The following LRIG2 variants were observed in gnomAD, a reference collection of about 807,000 sequenced individuals.
LRIG2 encodes leucine-rich repeats and immunoglobulin-like domains protein 2.
A neutral mutation model predicts 107.8 loss-of-function variants in LRIG2; 93 were observed. That is an observed-to-expected ratio of 0.86 (90% CI 0.73 to 1.03). The LOEUF is 1.03. Ranked by LOEUF, LRIG2 falls within the 50% of genes least tolerant of loss-of-function variation. The probability of loss-of-function intolerance (pLI) is 0.00; values close to 1 mark genes in which losing one functional copy is unlikely to be tolerated. For missense variants in LRIG2, 1,226 were observed against 1,296.0 expected (o/e 0.95, Z 0.83); for synonymous variants, 471 against 470.6 (o/e 1.00, Z -0.01).
chr1:113,114,396 A>ATT (rs200615395), intron 14 of LRIG2, 31 bp from the exon 15 acceptor site: 851 of 1,167,310 alleles, frequency 7.3e-4, no homozygotes, highest in Non-Finnish European at 8.6e-4. Context: ...CTAACTTTTC[A>ATT]TTTTTTTTTT....
At chr1:113,100,597 G>A (rs1481021303) in intron 11 of LRIG2, 109 bp downstream of exon 11, 2 of 632,520 alleles carry the variant, frequency 3.2e-6, no homozygotes, top group Admixed American at 5.8e-5. Flanking sequence ...CACAGTTCAG[G>A]CAGGAAAAAA....
rs745674497 is a variant in LRIG2, at chr1:113,114,868, C to A, written c.2522C>A (p.Thr841Lys). The A allele has an allele frequency of 6.2e-7, 1 of 1,605,924 alleles. No individual in the cohort carries two copies. Among genetic ancestry groups the A allele is most frequent in the Admixed American group, 1.7e-5 (1 of 59,884 alleles). ...MRRKNEDYSI[T>K]NTEELNLPAD... ...AGGAAAAATGAAGACTATAGTATCA[C>A]AAACACAGGTAAGTAGTACCCACAT... The change falls in exon 15 of 18, where the codon ACA (threonine) becomes AAA (lysine). Residue 841 changes from threonine (T) to lysine (K), a missense_variant. Physicochemically the swap from Thr to Lys is moderately conservative, Grantham distance 78. This residue lies in a region of LRIG2 where 642 missense variants were observed against 712.2 expected (regional missense o/e 0.90). Transcript: ENST00000361127.
At chr1:113,123,450 T>TGTA (rs1655346062) in intron 17 of LRIG2, among the ~76,000 whole-genome samples, 1 of 150,568 alleles carries the variant, frequency 6.6e-6, no homozygotes, top group Admixed American at 6.6e-5. Flanking sequence ...GGCACATGCC[T>TGTA]GTAATCCCAG....
chr1:113,098,690 C>G lies in LRIG2; in HGVS notation c.1092-15C>G. 6.4e-7 allele frequency: 1 copy of G among 1,568,976 alleles called. No individual in the cohort carries two copies. Among genetic ancestry groups the G allele is most frequent in the Non-Finnish European group, 8.8e-7 (1 of 1,139,164 alleles). ...ATTGACTAATAGCACCTGTCTTTCTCTGACATTTTTGTAGAGACTTAAGAA... is the reference window on the plus strand; with the variant it reads ...ATTGACTAATAGCACCTGTCTTTCTGTGACATTTTTGTAGAGACTTAAGAA... On this transcript the variant is annotated splice_polypyrimidine_tract_variant and intron_variant, in intron 8 of 17. Coordinates refer to ENST00000361127, the MANE Select transcript of LRIG2 (RefSeq NM_014813.3).
intron 11 of LRIG2, among the ~76,000 whole-genome samples, chr1:113,106,178 AGATT>A (rs1332936174): frequency 6.6e-6 from 1 of 151,828 alleles, no homozygotes; most frequent in Admixed American, 6.6e-5. Flanking sequence ...CAGTGGGCCG[AGATT>A]GCGCCACTGC....
At chr1:113,088,293 A>G (rs920158435) in intron 1 of LRIG2, among the ~76,000 whole-genome samples, 1 of 152,198 alleles carries the variant, frequency 6.6e-6, no homozygotes, top group Non-Finnish European at 1.5e-5. Context: ...TTTGGGTTGC[A>G]TTGAAAAGCC....
chr1:113,094,573 C>G (rs1431002635), intron 5 of LRIG2, 39 bp from the exon 6 acceptor site: 1 of 1,593,038 alleles, frequency 6.3e-7, no homozygotes. Context: ...AACATTTTAG[C>G]AAACCAATTT....
intron 1 of LRIG2, among the ~76,000 whole-genome samples, chr1:113,087,948 C>G (rs1020826832): frequency 6.6e-6 from 1 of 152,176 alleles, no homozygotes. Context: ...GCTTACAACC[C>G]TAGCGCTTAG....
At chr1:113,108,594 A>G (rs1654637655) in intron 12 of LRIG2, among the ~76,000 whole-genome samples, 1 of 150,320 alleles carries the variant, frequency 6.7e-6, no homozygotes, top group African/African-American at 2.4e-5. Flanking sequence ...AATGTCCTTT[A>G]GGCCGGGCAC....
At chr1:113,106,483 T>G (rs1654544574) in intron 11 of LRIG2, among the ~76,000 whole-genome samples, 1 of 152,110 alleles carries the variant, frequency 6.6e-6, no homozygotes, top group South Asian at 2.1e-4. Flanking sequence ...CATTACACAT[T>G]GCACGGTGTT....
rs1655682851 is a variant in LRIG2 at position 113,130,885 on chromosome 1, A to G, written c.*6784A>G. 1 of 152,216 alleles carries G rather than the reference A, an allele frequency of 6.6e-6. No individual in the cohort carries two copies. Among genetic ancestry groups the G allele is most frequent in the Non-Finnish European group, 1.5e-5 (1 of 68,038 alleles). The allele number at this position is 152,216 out of a possible 1,614,324, so 9.4% of individuals were successfully genotyped here. On this transcript the variant is annotated 3_prime_UTR_variant, in exon 18 of 18. Transcript: ENST00000361127. ...TTACTGGCATAAATGGTATTACTATACTAACAAATTTAAAAGCCTATAATG... is the reference window on the plus strand; with the variant it reads ...TTACTGGCATAAATGGTATTACTATGCTAACAAATTTAAAAGCCTATAATG...
rs1280764199 is a variant in LRIG2 at position 113,119,458 on chromosome 1, C to T, written c.2906C>T (p.Ser969Phe). ...ATACCGTCAGCCAACAGAGAGCCAT[C>T]TGCCTTTCCCACCAACCATGAGAGG... is the stretch of plus-strand genomic sequence containing the variant. Reference protein sequence around the residue: ...SLIPSANREPSAFPTNHERIS... With the variant: ...SLIPSANREPFAFPTNHERIS... The change falls in exon 17 of 18, where the codon TCT (serine) becomes TTT (phenylalanine). Residue 969 changes from serine (S) to phenylalanine (F), a missense_variant. By Grantham distance (155) the Ser-to-Phe change is radical (BLOSUM62 -2). Coordinates refer to ENST00000361127, the MANE Select transcript of LRIG2 (RefSeq NM_014813.3). 2 of 1,614,182 alleles carry T rather than the reference C, an allele frequency of 1.2e-6. No individual in the cohort carries two copies. The highest frequency in any genetic ancestry group is 1.7e-6 in the Non-Finnish European group (2 of 1,180,016).
chr1:113,100,662 A>G, intron 11 of LRIG2, 174 bp downstream of exon 11: 4 of 484,266 alleles, frequency 8.3e-6, no homozygotes, highest in Non-Finnish European at 1.2e-5. Context: ...AAAATAGCCA[A>G]CATTGAAAAG....
chr1:113,079,528 C>G (rs1445746702), intron 1 of LRIG2, among the ~76,000 whole-genome samples: 2 of 149,852 alleles, frequency 1.3e-5, no homozygotes, highest in African/African-American at 4.9e-5. Context: ...ACTAAAAATA[C>G]AAAAATTAGC....
intron 1 of LRIG2, among the ~76,000 whole-genome samples, chr1:113,076,529 G>C (rs900693344): frequency 6.6e-6 from 1 of 152,162 alleles, no homozygotes; most frequent in African/African-American, 2.4e-5. Context: ...TAATTGGATG[G>C]AAGTCTTACA....
chr1:113,114,701 A>G lies in LRIG2; in HGVS notation c.2355A>G (p.Ser785=). The change falls in exon 15 of 18, where the codon TCA becomes TCG. Residue 785 remains serine, a synonymous_variant. Coordinates refer to ENST00000361127, the MANE Select transcript of LRIG2 (RefSeq NM_014813.3). ...GCCACATTTACCTAAATGTCATTTC[A>G]TCCCCCAATTGTGACTCTTCCCAGA... ...ERGHIYLNVI[S]SPNCDSSQSS... is the part of the protein sequence containing the mutation. 1.9e-6 allele frequency: 3 copies of G among 1,614,168 alleles called. No individual in the cohort carries two copies. The highest frequency in any genetic ancestry group is 2.5e-6 in the Non-Finnish European group (3 of 1,180,034).
At chr1:113,086,802 A>T (rs11102582) in intron 1 of LRIG2, among the ~76,000 whole-genome samples, 1 of 152,018 alleles carries the variant, frequency 6.6e-6, no homozygotes, top group Non-Finnish European at 1.5e-5. Flanking sequence ...AACTGAGTTT[A>T]CAACATTGAG....
Position 113,084,040 on chromosome 1 carries a change from A to AT in LRIG2, c.240-7277dup, listed in dbSNP as rs1557898284. Among the ~76,000 whole-genome samples, 415 of 129,316 alleles carry AT rather than the reference A, an allele frequency of 3.2e-3. 2 individuals are homozygous for AT. The highest frequency in any genetic ancestry group is 4.9e-3 in the Admixed American group (61 of 12,550). The allele number at this position is 129,316 out of a possible 152,430, so 84.8% of individuals were successfully genotyped here. ...AATAATAATAATAATAATAATAATA[A>AT]TATTGGCCTTATCCCAGTGATTCTC... On this transcript the variant is annotated intron_variant, in intron 1 of 17. Coordinates refer to ENST00000361127, the MANE Select transcript of LRIG2 (RefSeq NM_014813.3).
Position 113,114,492 on chromosome 1 carries a change from C to T in LRIG2, c.2146C>T (p.Gln716Ter). ...TVTRGETAVL[Q>*]CIAGGSPAPR... ...AACACGAGGTGAAACTGCGGTGTTA[C>T]AGTGCATAGCTGGAGGGAGTCCTGC... is the stretch of plus-strand genomic sequence containing the variant. Residue 716 changes from glutamine to a stop codon, truncating the protein, a stop_gained, in exon 15 of 18, where the codon CAG (glutamine) becomes TAG (stop). Coordinates refer to ENST00000361127, the MANE Select transcript of LRIG2 (RefSeq NM_014813.3). LOFTEE classifies it high-confidence loss of function. 6.2e-7 allele frequency: 1 copy of T among 1,613,702 alleles called. No individual in the cohort carries two copies. The highest frequency in any genetic ancestry group is 8.5e-7 in the Non-Finnish European group (1 of 1,179,968).
Sources: gnomAD v4.1 joint callset for allele counts (sites outside exome capture counted in the v4.1 genomes callset) on GRCh38, gnomAD v4.1.1 for gene constraint, gnomAD v4.1.1 regional missense constraint, MANE v1.5 for transcripts, NCBI Gene and HGNC (gene_info 2026-07-23, HGNC 2026-07-21) for gene names.